The following SOX5 variants were observed in gnomAD, a reference collection of about 807,000 sequenced individuals.
SOX5 encodes transcription factor SOX-5.
SOX5 carries 9 observed loss-of-function variants against 92.0 expected under a neutral mutation model. The observed-to-expected ratio is 0.10, with a 90% CI of 0.06 to 0.17. The LOEUF (loss-of-function observed/expected upper bound fraction) is 0.17, where lower values mean the gene tolerates loss of function less well. Ranked by LOEUF, SOX5 falls within the 10% of genes least tolerant of loss-of-function variation. The pLI, the probability that SOX5 is intolerant of heterozygous loss-of-function variation, is 1.00. For synonymous variants in SOX5, 344 were observed against 336.3 expected (o/e 1.02, Z -0.25); for missense variants, 642 against 944.5 (o/e 0.68, Z 4.20).
intron 9 of SOX5, among the ~76,000 whole-genome samples, chr12:23,602,387 G>A (rs2074619500): frequency 6.6e-6 from 1 of 152,092 alleles, no homozygotes; most frequent in Non-Finnish European, 1.5e-5. Context: ...TAAAATCATT[G>A]TAGCGACTGC....
intron 4 of SOX5, among the ~76,000 whole-genome samples, chr12:24,096,530 TTATA>T (rs1945434607): frequency 6.6e-6 from 1 of 152,224 alleles, no homozygotes; most frequent in Non-Finnish European, 1.5e-5. Context: ...TCTAGATACC[TTATA>T]TAAATGGAAT....
chr12:24,220,292 T>C (rs559340892), intron 3 of SOX5, among the ~76,000 whole-genome samples: 1 of 152,218 alleles, frequency 6.6e-6, no homozygotes, highest in South Asian at 2.1e-4. Flanking sequence ...ACATTAATTT[T>C]CTTCCAAAAC....
At chr12:23,900,036 GATAA>G (rs1402584508) in intron 1 of SOX5, among the ~76,000 whole-genome samples, 1 of 152,076 alleles carries the variant, frequency 6.6e-6, no homozygotes, top group East Asian at 1.9e-4. Context: ...AAAGCCTGAG[GATAA>G]ATAGACAGGG....
At chr12:23,586,238 C>T (rs1950715506) in intron 9 of SOX5, among the ~76,000 whole-genome samples, 1 of 152,068 alleles carries the variant, frequency 6.6e-6, no homozygotes, top group African/African-American at 2.4e-5. Flanking sequence ...TTTATGAACA[C>T]AAAATTAGAA....
intron 9 of SOX5, among the ~76,000 whole-genome samples, chr12:23,586,478 C>T (rs151007349): frequency 1.3e-5 from 2 of 151,436 alleles, no homozygotes; most frequent in African/African-American, 4.8e-5. Context: ...AAGAGTTTTA[C>T]GGGGAAAAAA....
intron 4 of SOX5, among the ~76,000 whole-genome samples, chr12:24,083,993 G>C (rs1943670025): frequency 6.6e-6 from 1 of 152,000 alleles, no homozygotes; most frequent in Middle Eastern, 3.2e-3. Context: ...GATCTCACCG[G>C]AGAAGGAATG....
intron 1 of SOX5, among the ~76,000 whole-genome samples, chr12:24,477,130 CT>C (rs11324014): frequency 0.27 from 38,710 of 141,914 alleles, 6,061 homozygotes; most frequent in East Asian, 0.71. Context: ...TGAGATTTAA[CT>C]TTTTTTTTTT....
rs978575513 is a variant in SOX5, at chr12:23,532,135, C to T, written c.*2084G>A. 6.6e-6 allele frequency: 1 copy of T among 151,298 alleles called. No homozygotes were observed. Among genetic ancestry groups the T allele is most frequent in the African/African-American group, 2.4e-5 (1 of 41,230 alleles). 9.4% of individuals were successfully genotyped at this position (151,298 alleles called of 1,614,324 possible). A position where few individuals can be genotyped will look rare whatever the true frequency, so the allele number is the denominator to read the frequency against. Reference sequence around the variant, plus strand: ...ACTATTATTATTATTATTTTATCATCATCATCATTACAACACTAGCAAAAA... The same window carrying T: ...ACTATTATTATTATTATTTTATCATTATCATCATTACAACACTAGCAAAAA... On this transcript the variant is annotated 3_prime_UTR_variant, in exon 15 of 15. Coordinates refer to ENST00000451604, the MANE Select transcript of SOX5 (RefSeq NM_006940.6).
chr12:23,980,236 G>A (rs923144707), intron 4 of SOX5, among the ~76,000 whole-genome samples: 3 of 152,056 alleles, frequency 2.0e-5, no homozygotes, highest in Non-Finnish European at 2.9e-5. Flanking sequence ...AGACTAAATA[G>A]TAAGTAAACT....
chr12:24,351,376 C>CT (rs1408876933), intron 2 of SOX5, among the ~76,000 whole-genome samples: 1 of 152,176 alleles, frequency 6.6e-6, no homozygotes, highest in Non-Finnish European at 1.5e-5. Context: ...TCGAATATCT[C>CT]TATCAGTGAT....
At chr12:24,194,049 T>C (rs146914242) in intron 4 of SOX5, among the ~76,000 whole-genome samples, 351 of 152,244 alleles carry the variant, frequency 2.3e-3, no homozygotes, top group African/African-American at 8.0e-3. Context: ...TAAAACTATA[T>C]AAAAGTGGCA....
chr12:23,680,259 G>A (rs1405164066), intron 6 of SOX5, among the ~76,000 whole-genome samples: 2 of 147,550 alleles, frequency 1.4e-5, no homozygotes, highest in African/African-American at 5.0e-5. Context: ...CCAGGAGGTG[G>A]AGGCTGCAGT....
intron 1 of SOX5, among the ~76,000 whole-genome samples, chr12:24,387,638 T>C (rs533721190): frequency 6.6e-6 from 1 of 152,280 alleles, no homozygotes; most frequent in Admixed American, 6.5e-5. Context: ...ACATCTTTCA[T>C]GAAAGATGAC....
At chr12:23,557,158 A>G (rs961990204) in intron 11 of SOX5, among the ~76,000 whole-genome samples, 1 of 152,214 alleles carries the variant, frequency 6.6e-6, no homozygotes, top group Non-Finnish European at 1.5e-5. Context: ...GTGCCAGACA[A>G]ACAAAACTAA....
intron 3 of SOX5, chr12:24,277,212 A>G (rs971285613): frequency 2.6e-5 from 4 of 151,732 alleles, no homozygotes; most frequent in African/African-American, 9.7e-5. Flanking sequence ...TTTTATGAAT[A>G]TACCTTTTTC....
intron 9 of SOX5, among the ~76,000 whole-genome samples, chr12:23,595,912 A>G (rs1462185190): frequency 6.6e-6 from 1 of 152,142 alleles, no homozygotes; most frequent in Non-Finnish European, 1.5e-5. Context: ...GTACTCCTAA[A>G]TCCATAACAA....
At chr12:24,178,868 G>A (rs1446985707) in intron 4 of SOX5, among the ~76,000 whole-genome samples, 2 of 152,182 alleles carry the variant, frequency 1.3e-5, no homozygotes, top group Non-Finnish European at 2.9e-5. Flanking sequence ...AAGTCTGCCT[G>A]TCTTCAAAGC....
intron 1 of SOX5, among the ~76,000 whole-genome samples, chr12:24,464,195 A>G (rs934721925): frequency 2.6e-5 from 4 of 152,230 alleles, no homozygotes; most frequent in Admixed American, 2.6e-4. Flanking sequence ...GTATGTTTAT[A>G]TGATGTGTGC....
chr12:23,540,232 A>G (rs897960515), intron 13 of SOX5, among the ~76,000 whole-genome samples: 1 of 151,856 alleles, frequency 6.6e-6, no homozygotes, highest in Non-Finnish European at 1.5e-5. Flanking sequence ...AAAGCAGAGA[A>G]GGAGGGATAG....
Sources: allele counts gnomAD v4.1 joint callset (sites outside exome capture counted in the v4.1 genomes callset), GRCh38; gene constraint gnomAD v4.1.1; transcripts MANE v1.5; gene names NCBI Gene and HGNC (gene_info 2026-07-23, HGNC 2026-07-21).